DNHD1: variants seen among roughly 807,000 people sequenced by gnomAD.
DNHD1 encodes the protein dynein heavy chain domain-containing protein 1.
DNHD1 carries 383 observed loss-of-function variants against 458.1 expected under a neutral mutation model. The observed-to-expected ratio is 0.84, with a 90% CI of 0.77 to 0.91. The LOEUF (loss-of-function observed/expected upper bound fraction) is 0.91, where lower values mean the gene tolerates loss of function less well. DNHD1 is among the 40% of genes least tolerant of loss of function. The pLI is 0.00. For synonymous variants in DNHD1, 2,203 were observed against 2,376.9 expected (o/e 0.93, Z 2.13); for missense variants, 5,336 against 5,866.1 (o/e 0.91, Z 2.95).
Position 6,556,768 on chromosome 11 carries a change from G to A in DNHD1, c.7473G>A (p.Leu2491=). The A allele has an allele frequency of 2.6e-6, 4 of 1,551,626 alleles. No homozygotes were observed. The highest frequency in any genetic ancestry group is 3.5e-6 in the Non-Finnish European group (4 of 1,146,918). Residue 2491 remains leucine, a synonymous_variant, in exon 25 of 43, where the codon CTG becomes CTA. Coordinates refer to ENST00000254579, the MANE Select transcript of DNHD1 (RefSeq NM_144666.3). The part of the protein sequence containing the change: ...GTVYAHSTLE[L]QTLQPTVNFL... Reference sequence around the variant, plus strand: ...TGTATGCCCACAGCACCTTGGAACTGCAGACGCTGCAGCCTACAGTCAACT... The same window carrying A: ...TGTATGCCCACAGCACCTTGGAACTACAGACGCTGCAGCCTACAGTCAACT...
Position 6,566,038 on chromosome 11 carries a change from A to T in DNHD1, c.11053+47A>T. The T allele has an allele frequency of 5.4e-6, 6 of 1,116,292 alleles. No homozygotes were observed. In the South Asian group the frequency reaches 6.6e-5, roughly 12 times the overall value. 69.1% of individuals were successfully genotyped at this position (1,116,292 alleles called of 1,614,324 possible). Reference sequence around the variant, plus strand: ...CCCTGGCCCCTTTTTGACTTGCCCCATTCTGTGACCCCACAGGCCTCCCAC... The same window carrying T: ...CCCTGGCCCCTTTTTGACTTGCCCCTTTCTGTGACCCCACAGGCCTCCCAC... On this transcript the variant is annotated intron_variant, in intron 33 of 42. Transcript: ENST00000254579.
In DNHD1 at chr11:6,519,847, T is replaced by C; in HGVS notation, c.1640T>C (p.Ile547Thr). ...CAGATAACCTCTTTTGTGGCCAACA[T>C]CCTTCAAGTGAGGTGGTGGGTGGCA... Reference protein sequence around the residue: ...EEQITSFVANILQAPRQKPFL... With the variant: ...EEQITSFVANTLQAPRQKPFL... The change falls in exon 8 of 43, where the codon ATC (isoleucine) becomes ACC (threonine). Residue 547 changes from isoleucine (I) to threonine (T), a missense_variant. Ile to Thr is a moderately conservative substitution (Grantham distance 89). This residue lies in a region of DNHD1 where 3,932 missense variants were observed against 4,365.6 expected (regional missense o/e 0.90). Coordinates refer to ENST00000254579, the MANE Select transcript of DNHD1 (RefSeq NM_144666.3). 6.2e-7 allele frequency: 1 copy of C among 1,612,676 alleles called. No individual in the cohort carries two copies. The highest frequency in any genetic ancestry group is 2.2e-5 in the East Asian group (1 of 44,882).
Position 6,545,077 on chromosome 11 carries a change from G to C in DNHD1, c.4138G>C (p.Ala1380Pro), listed in dbSNP as rs1451026772. 1 of 1,551,976 alleles carries C rather than the reference G, an allele frequency of 6.4e-7. No individual in the cohort carries two copies. Among genetic ancestry groups the C allele is most frequent in the Non-Finnish European group, 8.7e-7 (1 of 1,147,040 alleles). The change falls in exon 21 of 43, where the codon GCC becomes CCC. Residue 1380 changes from alanine to proline, a missense_variant. Physicochemically the swap from Ala to Pro is conservative, Grantham distance 27. Around this residue, in one of 4 missense-constraint regions of DNHD1, gnomAD observed 3,932 missense variants for 4,365.6 expected, o/e 0.90. Transcript: ENST00000254579. The surrounding 1 kb of genome is among the most constrained non-coding windows in gnomAD (Gnocchi z 4.9). ...GGCTGCTCGACTGGAATCATGCGAAGCCCAGCTATGGGTACGACGCTGCTT... is the reference window on the plus strand; with the variant it reads ...GGCTGCTCGACTGGAATCATGCGAACCCCAGCTATGGGTACGACGCTGCTT... ...LLAARLESCE[A>P]QLWVRRCFPH...
intron 10 of DNHD1, among the ~76,000 whole-genome samples, chr11:6,527,427 T>C (rs117524077): frequency 0.037 from 5,689 of 152,228 alleles, 113 homozygotes; most frequent in Middle Eastern, 0.14. Flanking sequence ...GTGTTGTATG[T>C]GAAAAAGAGT....
Position 6,502,872 on chromosome 11 carries a change from A to T in DNHD1, c.866A>T (p.Tyr289Phe), listed in dbSNP as rs758913219. 1.9e-6 allele frequency: 3 copies of T among 1,613,656 alleles called. No homozygotes were observed. The South Asian group carries it at 3.3e-5, about 18-fold the overall frequency. The change falls in exon 4 of 43, where the codon TAC becomes TTC. Residue 289 changes from tyrosine to phenylalanine, a missense_variant. Tyr to Phe is a conservative substitution (Grantham distance 22). Around this residue, in one of 4 missense-constraint regions of DNHD1, gnomAD observed 3,932 missense variants for 4,365.6 expected, o/e 0.90. Transcript: ENST00000254579. ...ATGACTGCTCTGAAGATGGAGAGAT[A>T]CCTGAAGAAGATCCACTTCCTCTAT... is the stretch of plus-strand genomic sequence containing the variant. Reference protein sequence around the residue: ...QVMTALKMERYLKKIHFLYLN... With the variant: ...QVMTALKMERFLKKIHFLYLN...
intron 24 of DNHD1, among the ~76,000 whole-genome samples, chr11:6,551,132 T>C (rs957895309): frequency 7.2e-5 from 11 of 152,186 alleles, no homozygotes; most frequent in African/African-American, 2.7e-4. Flanking sequence ...TTCAAAGGAT[T>C]AACATTTTAA....
rs1398081564 is a variant in DNHD1 at position 6,547,361 on chromosome 11, G to A, written c.6422G>A (p.Cys2141Tyr). Residue 2141 changes from cysteine (C) to tyrosine (Y), a missense_variant, in exon 21 of 43, where the codon TGT becomes TAT. Cys to Tyr is a radical substitution (Grantham distance 194). Coordinates refer to ENST00000254579, the MANE Select transcript of DNHD1 (RefSeq NM_144666.3). ...TTGISPTVVG[C>Y]CALVWCGGEQ... ...GGCATATCCCCCACAGTGGTAGGCT[G>A]TTGTGCCCTAGTCTGGTGTGGTGGA... 1.3e-6 allele frequency: 2 copies of A among 1,551,638 alleles called. No homozygotes were observed. Among genetic ancestry groups the A allele is most frequent in the African/African-American group, 1.4e-5 (1 of 73,036 alleles).
At chr11:6,512,510 C>G (rs1852366815) in intron 7 of DNHD1, among the ~76,000 whole-genome samples, 1 of 152,092 alleles carries the variant, frequency 6.6e-6, no homozygotes, top group South Asian at 2.1e-4. Context: ...GTGTGAACCA[C>G]CGCGCCTGGC....
intron 12 of DNHD1, 66 bp from the exon 13 acceptor site, chr11:6,532,961 A>C: frequency 1.4e-6 from 2 of 1,479,862 alleles, no homozygotes; most frequent in South Asian, 2.6e-5. Context: ...ACTCTGGACC[A>C]CAGCACTGTC....
intron 24 of DNHD1, among the ~76,000 whole-genome samples, chr11:6,554,137 C>A (rs1853414953): frequency 1.3e-5 from 2 of 152,058 alleles, no homozygotes; most frequent in African/African-American, 4.8e-5. Context: ...TAAGGATATA[C>A]ATATGGACTA....
intron 16 of DNHD1, 103 bp from the exon 17 acceptor site, chr11:6,539,116 G>C: frequency 1.3e-6 from 1 of 779,198 alleles, no homozygotes; most frequent in East Asian, 2.7e-5. Context: ...CTGCTATCTG[G>C]GGTCTGAGCT....
At chr11:6,527,305 G>C (rs1302988479) in intron 10 of DNHD1, among the ~76,000 whole-genome samples, 1 of 152,226 alleles carries the variant, frequency 6.6e-6, no homozygotes, top group African/African-American at 2.4e-5. Context: ...TGCAGTAAGA[G>C]ATGATGGTGA....
intron 12 of DNHD1, among the ~76,000 whole-genome samples, chr11:6,529,492 G>C (rs965488014): frequency 3.9e-5 from 6 of 152,144 alleles, no homozygotes; most frequent in Non-Finnish European, 8.8e-5. Flanking sequence ...CTCTAACTGA[G>C]CTTGTCTTAC....
Position 6,519,874 on chromosome 11 carries a change from G to C in DNHD1, c.1647+20G>C. ...CTTCAAGTGAGGTGGTGGGTGGCAT[G>C]TGTGGAGGTGGCAGGCAGTCCAGGG... On this transcript the variant is annotated intron_variant, in intron 8 of 42. Transcript: ENST00000254579. 6.2e-7 allele frequency: 1 copy of C among 1,612,820 alleles called. No homozygotes were observed. The highest frequency in any genetic ancestry group is 1.1e-5 in the South Asian group (1 of 91,054).
At position 6,556,801 on chromosome 11, in the gene DNHD1, C is replaced by T. The variant is rs1444381599; in HGVS notation, c.7506C>T (p.Ala2502=). The T allele has an allele frequency of 1.3e-6, 2 of 1,551,538 alleles. No homozygotes were observed. Among genetic ancestry groups the T allele is most frequent in the South Asian group, 2.4e-5 (2 of 84,060 alleles). The change falls in exon 25 of 43, where the codon GCC becomes GCT. Residue 2502 remains alanine (A), a synonymous_variant. Transcript: ENST00000254579. ...TGCAGCCTACAGTCAACTTCCTTGCCACTGTCACAGTGCCAGGATACTGTG... is the reference window on the plus strand; with the variant it reads ...TGCAGCCTACAGTCAACTTCCTTGCTACTGTCACAGTGCCAGGATACTGTG... ...QTLQPTVNFL[A]TVTVPGYCER...
intron 10 of DNHD1, among the ~76,000 whole-genome samples, chr11:6,526,801 A>G (rs775233291): frequency 1.3e-5 from 2 of 152,192 alleles, no homozygotes; most frequent in East Asian, 1.9e-4. Flanking sequence ...TTAAGCTTCT[A>G]TAGACCTTAC....
chr11:6,557,601 G>A lies in DNHD1; in HGVS notation c.8306G>A (p.Arg2769Lys). The A allele has an allele frequency of 6.4e-7, 1 of 1,551,758 alleles. No homozygotes were observed. Among genetic ancestry groups the A allele is most frequent in the South Asian group, 1.2e-5 (1 of 84,060 alleles). ...AAGGAAAGCATAAGTCACAAGATAA[G>A]GCAAGAGAAAGGCACAAGGGCATCC... ...GMKESISHKI[R>K]QEKGTRASNY... The change falls in exon 25 of 43, where the codon AGG becomes AAG. Residue 2769 changes from arginine to lysine, a missense_variant. Arg to Lys is a conservative substitution (Grantham distance 26, BLOSUM62 2). This residue lies in a region of DNHD1 where 3,932 missense variants were observed against 4,365.6 expected (regional missense o/e 0.90). Coordinates refer to ENST00000254579, the MANE Select transcript of DNHD1 (RefSeq NM_144666.3).
At chr11:6,566,097 C>A in intron 33 of DNHD1, 106 bp downstream of exon 33, 1 of 1,474,162 alleles carries the variant, frequency 6.8e-7, no homozygotes, top group Admixed American at 2.1e-5. Context: ...ATCCTTCATC[C>A]CAGGCACTAA....
intron 7 of DNHD1, among the ~76,000 whole-genome samples, chr11:6,516,534 G>A (rs1445533188): frequency 1.3e-5 from 2 of 151,844 alleles, no homozygotes; most frequent in Non-Finnish European, 2.9e-5. Flanking sequence ...CTGACCTCAC[G>A]TGATCCGCCC....
Sources: gnomAD v4.1 joint callset for allele counts (sites outside exome capture counted in the v4.1 genomes callset) on GRCh38, gnomAD v4.1.1 for gene constraint, gnomAD v4.1.1 regional missense constraint, Gnocchi (gnomAD v3.1) non-coding constraint, MANE v1.5 for transcripts, NCBI Gene and HGNC (gene_info 2026-07-23, HGNC 2026-07-21) for gene names.